Variants in SLC4A4 observed in about 807,000 individuals in gnomAD.
SLC4A4 encodes the protein solute carrier family 4 member 4, also known as electrogenic sodium bicarbonate cotransporter 1.
A neutral mutation model predicts 111.5 loss-of-function variants in SLC4A4; 27 were observed. That is an observed-to-expected ratio of 0.24 (90% CI 0.18 to 0.33). SLC4A4 has a LOEUF of 0.33. SLC4A4 is among the 10% of genes least tolerant of loss of function. The pLI is 1.00. For synonymous variants in SLC4A4, 443 were observed against 463.4 expected, an observed-to-expected ratio of 0.96 and a Z score of 0.57; for missense variants, 909 against 1,315.5, an observed-to-expected ratio of 0.69 and a Z score of 4.78.
intron 3 of SLC4A4, among the ~76,000 whole-genome samples, chr4:71,334,399 G>T (rs1443513840): frequency 6.6e-6 from 1 of 151,990 alleles, no homozygotes; most frequent in Admixed American, 6.5e-5. Flanking sequence ...GGAAGACAAA[G>T]TCCTCTTTAC....
chr4:71,417,660 T>C (rs1041224220), intron 7 of SLC4A4, among the ~76,000 whole-genome samples: 3 of 152,250 alleles, frequency 2.0e-5, no homozygotes, highest in African/African-American at 7.2e-5. Flanking sequence ...TCCCACTTTA[T>C]TTTATGCAGT....
chr4:71,375,388 C>T (rs1732253472), intron 6 of SLC4A4, among the ~76,000 whole-genome samples: 1 of 152,238 alleles, frequency 6.6e-6, no homozygotes, highest in Non-Finnish European at 1.5e-5. Context: ...TCAGCAGTCA[C>T]TTCCCATTAC....
chr4:71,560,071 C>G (rs1736830925), intron 22 of SLC4A4, 22 bp from the exon 23 acceptor site: 1 of 1,582,914 alleles, frequency 6.3e-7, no homozygotes, highest in Non-Finnish European at 8.7e-7. Context: ...TTCTTTCATA[C>G]TTTTAATATT....
chr4:71,207,433 C>G (rs1416657783), intron 1 of SLC4A4, among the ~76,000 whole-genome samples: 1 of 152,214 alleles, frequency 6.6e-6, no homozygotes, highest in Non-Finnish European at 1.5e-5. Flanking sequence ...GCTTCCATAT[C>G]CTTAAAGCAA....
chr4:71,379,926 A>G (rs772833083), intron 6 of SLC4A4, among the ~76,000 whole-genome samples: 1 of 152,018 alleles, frequency 6.6e-6, no homozygotes, highest in Non-Finnish European at 1.5e-5. Context: ...GAAGAAACTG[A>G]TTTGTTCCTC....
chr4:71,119,363 A>G lies in SLC4A4; in HGVS notation c.-2+26571A>G, dbSNP rs548480397. Among the ~76,000 whole-genome samples the G allele has an allele frequency of 1.2e-4, 18 of 151,852 alleles. 1 individual carries two copies. In the South Asian group the frequency reaches 3.7e-3, roughly 32 times the overall value. ...TGCACTTATGCTTTTTTATTGTTGT[A>G]GTTGGGGGTTTTACAGTTTCTTTTT... On this transcript the variant is annotated intron_variant, in intron 2 of 26. Coordinates refer to the SLC4A4 transcript ENST00000649996.
chr4:71,386,046 A>AT (rs1313029300), intron 6 of SLC4A4, among the ~76,000 whole-genome samples: 6 of 150,406 alleles, frequency 4.0e-5, no homozygotes, highest in African/African-American at 7.3e-5. Flanking sequence ...TTCTATATAT[A>AT]TTTTTTTCAT....
chr4:71,516,913 A>G (rs1732454627), intron 16 of SLC4A4, among the ~76,000 whole-genome samples: 1 of 152,144 alleles, frequency 6.6e-6, no homozygotes, highest in Non-Finnish European at 1.5e-5. Context: ...CTCTTTGAAT[A>G]TATCATCCCA....
At chr4:71,453,803 A>T (rs1186226401) in intron 12 of SLC4A4, 134 bp downstream of exon 12, 1 of 817,800 alleles carries the variant, frequency 1.2e-6, no homozygotes, top group Non-Finnish European at 2.1e-6. Flanking sequence ...GCTGCATTTT[A>T]CTTTGCTTCT....
At chr4:71,222,973 T>C (rs968473003) in intron 1 of SLC4A4, among the ~76,000 whole-genome samples, 42 of 152,138 alleles carry the variant, frequency 2.8e-4, no homozygotes, top group African/African-American at 9.7e-4. Context: ...GAGGCTGAGC[T>C]GGCAGATGGA....
intron 7 of SLC4A4, among the ~76,000 whole-genome samples, chr4:71,411,219 T>C (rs1721332784): frequency 1.3e-5 from 2 of 152,208 alleles, no homozygotes; most frequent in African/African-American, 4.8e-5. Flanking sequence ...CCAGTTTCAC[T>C]AACATGGCAG....
intron 2 of SLC4A4, among the ~76,000 whole-genome samples, chr4:71,177,317 C>G (rs1401403949): frequency 6.6e-6 from 1 of 152,176 alleles, no homozygotes; most frequent in Non-Finnish European, 1.5e-5. Flanking sequence ...GGATCAAATT[C>G]ATGCATAACA....
intron 2 of SLC4A4, among the ~76,000 whole-genome samples, chr4:71,145,153 A>G (rs1487325215): frequency 1.3e-5 from 2 of 152,178 alleles, no homozygotes; most frequent in African/African-American, 4.8e-5. Flanking sequence ...AGTTTTTAGC[A>G]TGAAGGGGTG....
chr4:71,437,182 A>G, intron 7 of SLC4A4: 1 of 429,268 alleles, frequency 2.3e-6, no homozygotes, highest in South Asian at 1.9e-5. Flanking sequence ...TCCACTCCAC[A>G]CAGGAATACT....
chr4:71,560,384 C>T, intron 23 of SLC4A4, 130 bp downstream of exon 23: 2 of 977,238 alleles, frequency 2.0e-6, no homozygotes, highest in Non-Finnish European at 3.0e-6. Flanking sequence ...TGGTGTATTA[C>T]TCATTTCACC....
intron 2 of SLC4A4, among the ~76,000 whole-genome samples, chr4:71,109,048 C>A (rs1257042790): frequency 6.6e-6 from 1 of 152,090 alleles, no homozygotes; most frequent in East Asian, 1.9e-4. Context: ...TATTCCTTTA[C>A]ATATCTTGTG....
intron 5 of SLC4A4, among the ~76,000 whole-genome samples, chr4:71,353,612 T>C (rs1730038298): frequency 6.6e-6 from 1 of 152,088 alleles, no homozygotes. Flanking sequence ...TTTTAAAAAA[T>C]CCTTTTGTAG....
At chr4:71,457,296 A>C (rs1392295993) in intron 12 of SLC4A4, among the ~76,000 whole-genome samples, 2 of 152,188 alleles carry the variant, frequency 1.3e-5, no homozygotes, top group Non-Finnish European at 2.9e-5. Flanking sequence ...TCTAAGTACA[A>C]TCATACAGTT....
intron 6 of SLC4A4, among the ~76,000 whole-genome samples, chr4:71,395,415 A>G (rs1290371049): frequency 6.6e-6 from 1 of 152,166 alleles, no homozygotes; most frequent in Non-Finnish European, 1.5e-5. Flanking sequence ...AACAGATTTG[A>G]TTATTTCTTA....
Sources: gnomAD v4.1 joint callset for allele counts (sites outside exome capture counted in the v4.1 genomes callset) on GRCh38, gnomAD v4.1.1 for gene constraint, MANE v1.5 for transcripts, NCBI Gene and HGNC (gene_info 2026-07-23, HGNC 2026-07-21) for gene names.